Variants in GSTCD observed in about 807,000 individuals in gnomAD.
GSTCD encodes the protein glutathione S-transferase C-terminal domain-containing protein.
A neutral mutation model predicts 68.3 loss-of-function variants in GSTCD; 44 were observed. The ratio of observed to expected loss-of-function variants is 0.64; its 90% CI spans 0.51 to 0.83. GSTCD has a LOEUF of 0.83. Among genes scored for constraint, GSTCD ranks in the 40% least tolerant of loss-of-function variants. The probability of loss-of-function intolerance (pLI) is 0.00; values close to 1 mark genes in which losing one functional copy is unlikely to be tolerated. For synonymous variants in GSTCD, 273 were observed against 255.2 expected, an observed-to-expected ratio of 1.07 and a Z score of -0.67; for missense variants, 739 against 735.9, an observed-to-expected ratio of 1.00 and a Z score of -0.05.
At chr4:105,738,596 C>A (rs1278408844) in intron 5 of GSTCD, among the ~76,000 whole-genome samples, 1 of 152,042 alleles carries the variant, frequency 6.6e-6, no homozygotes, top group African/African-American at 2.4e-5. Flanking sequence ...AAGTCTTTCA[C>A]TTCTTTAGTT....
chr4:105,717,735 G>T lies in GSTCD; in HGVS notation c.122G>T (p.Cys41Phe). The stretch of plus-strand genomic sequence containing the variant: ...GTAACTTTATTTCTGTTATCTTACT[G>T]TGACTGTAAAATCTTTAAAATTTGC... ...TSVTLFLLSY[C>F]DCKIFKICLV... is the part of the protein sequence containing the mutation. Residue 41 changes from cysteine to phenylalanine, a missense_variant, in exon 2 of 12, where the codon TGT (cysteine) becomes TTT (phenylalanine). Transcript: ENST00000515279. 9.3e-6 allele frequency: 15 copies of T among 1,613,756 alleles called. No homozygotes were observed. The highest frequency in any genetic ancestry group is 1.3e-5 in the Non-Finnish European group (15 of 1,179,740).
At chr4:105,844,645 T>A (rs1482937545) in intron 11 of GSTCD, among the ~76,000 whole-genome samples, 2 of 152,226 alleles carry the variant, frequency 1.3e-5, no homozygotes, top group African/African-American at 4.8e-5. Context: ...CAGTAATCTT[T>A]TTCCAGGGGG....
chr4:105,751,040 A>G (rs1733993387), intron 5 of GSTCD, among the ~76,000 whole-genome samples: 1 of 152,216 alleles, frequency 6.6e-6, no homozygotes, highest in Non-Finnish European at 1.5e-5. Context: ...AACTTTATAC[A>G]TGGAATCAAG....
chr4:105,789,737 G>A (rs2149254443), intron 5 of GSTCD, among the ~76,000 whole-genome samples: 1 of 151,958 alleles, frequency 6.6e-6, no homozygotes, highest in South Asian at 2.1e-4. Context: ...CTATAATGAA[G>A]GGGAGAGGAT....
intron 5 of GSTCD, among the ~76,000 whole-genome samples, chr4:105,742,722 T>A (rs1452218712): frequency 8.6e-5 from 13 of 150,824 alleles, no homozygotes; most frequent in South Asian, 4.2e-4. Flanking sequence ...TTTTTTTTTT[T>A]TTATTTCTTA....
intron 11 of GSTCD, among the ~76,000 whole-genome samples, chr4:105,844,258 GAC>G (rs888907514): frequency 1.9e-4 from 29 of 152,144 alleles, no homozygotes; most frequent in African/African-American, 7.0e-4. Flanking sequence ...TTAAAGGAAA[GAC>G]AATATTTTAA....
At chr4:105,742,051 G>A (rs1324480514) in intron 5 of GSTCD, among the ~76,000 whole-genome samples, 3 of 152,072 alleles carry the variant, frequency 2.0e-5, no homozygotes, top group Non-Finnish European at 2.9e-5. Flanking sequence ...GATTTTATTG[G>A]TACTTGGTTC....
intron 5 of GSTCD, among the ~76,000 whole-genome samples, chr4:105,772,719 G>A (rs1459403146): frequency 1.3e-5 from 2 of 152,166 alleles, no homozygotes; most frequent in East Asian, 3.8e-4. Flanking sequence ...ATTTGATCAT[G>A]GTGGATAAGC....
chr4:105,784,255 C>T (rs989003850), intron 5 of GSTCD, among the ~76,000 whole-genome samples: 3 of 152,138 alleles, frequency 2.0e-5, no homozygotes, highest in East Asian at 3.8e-4. Flanking sequence ...TTATTTGGCT[C>T]ATGGTTTTTG....
At chr4:105,811,968 A>G (rs1001131460) in intron 5 of GSTCD, among the ~76,000 whole-genome samples, 1 of 152,194 alleles carries the variant, frequency 6.6e-6, no homozygotes, top group Non-Finnish European at 1.5e-5. Context: ...GTTTTTGGAC[A>G]TGTTTGGCTT....
At chr4:105,823,494 G>GT (rs1723418800) in intron 7 of GSTCD, 2 of 385,980 alleles carry the variant, frequency 5.2e-6, no homozygotes, top group South Asian at 1.4e-4. Context: ...TTTAAAAGAG[G>GT]TTTATAGGTT....
intron 5 of GSTCD, among the ~76,000 whole-genome samples, chr4:105,812,696 A>G (rs925606918): frequency 6.6e-6 from 1 of 152,278 alleles, no homozygotes; most frequent in East Asian, 1.9e-4. Context: ...TTATATATAT[A>G]TGTTTTAACT....
At chr4:105,733,110 ATG>A (rs1733314295) in intron 5 of GSTCD, among the ~76,000 whole-genome samples, 1 of 152,184 alleles carries the variant, frequency 6.6e-6, no homozygotes, top group Non-Finnish European at 1.5e-5. Flanking sequence ...ACTTCCAACT[ATG>A]TGGTCAATTT....
chr4:105,837,380 A>G (rs954830107), intron 9 of GSTCD, among the ~76,000 whole-genome samples: 2 of 152,270 alleles, frequency 1.3e-5, no homozygotes. Flanking sequence ...GCCACTCCCA[A>G]GCCTGCTTAC....
intron 5 of GSTCD, among the ~76,000 whole-genome samples, chr4:105,811,325 G>A (rs1578495755): frequency 6.6e-6 from 1 of 151,946 alleles, no homozygotes; most frequent in South Asian, 2.1e-4. Context: ...TGAAATATTA[G>A]TATTCATGAC....
rs200413352 is a variant in GSTCD at position 105,845,485 on chromosome 4, G to A, written c.1810G>A (p.Ala604Thr). ...GGTGGATCTGGATCGAGCAAGAGCT[G>A]CAGAAGAATGTGGATACTCCGTTCA... ...CLVDLDRARA[A>T]EECGYSVQVI... Residue 604 changes from alanine (A) to threonine (T), a missense_variant, in exon 12 of 12, where the codon GCA becomes ACA. By Grantham distance (58) the Ala-to-Thr change is moderately conservative. Coordinates refer to ENST00000515279, the MANE Select transcript of GSTCD (RefSeq NM_001370181.1). The A allele has an allele frequency of 2.7e-5, 43 of 1,614,046 alleles. No homozygotes were observed. Among genetic ancestry groups the A allele is most frequent in the Non-Finnish European group, 3.4e-5 (40 of 1,180,028 alleles).
chr4:105,719,662 T>C, intron 3 of GSTCD, 135 bp downstream of exon 3: 1 of 666,026 alleles, frequency 1.5e-6, no homozygotes, highest in Non-Finnish European at 2.6e-6. Context: ...CATTTTCTTA[T>C]CTGTAAAATG....
In GSTCD at chr4:105,717,974, C is replaced by A; in HGVS notation, c.361C>A (p.Pro121Thr). 1 of 1,613,192 alleles carries A rather than the reference C, an allele frequency of 6.2e-7. No individual in the cohort carries two copies. The highest frequency in any genetic ancestry group is 2.2e-5 in the East Asian group (1 of 44,860). Residue 121 changes from proline (P) to threonine (T), a missense_variant, in exon 2 of 12, where the codon CCC (proline) becomes ACC (threonine). Pro to Thr is a conservative substitution (Grantham distance 38, BLOSUM62 -1). Coordinates refer to ENST00000515279, the MANE Select transcript of GSTCD (RefSeq NM_001370181.1). ...AATCCAGAAATCCTATGAAGCAGAC[C>A]CCTTAAAGAAGGAACTTTTGGAACT... ...HIIQKSYEAD[P>T]LKKELLELLG... is the part of the protein sequence containing the mutation.
chr4:105,719,698 AG>A (rs1354715262), intron 3 of GSTCD, 171 bp downstream of exon 3: 2 of 579,798 alleles, frequency 3.4e-6, no homozygotes, highest in Non-Finnish European at 6.1e-6. Context: ...CCTATCTAAA[AG>A]GAAAAATGTA....
Sources: gnomAD v4.1 joint callset for allele counts (sites outside exome capture counted in the v4.1 genomes callset) on GRCh38, gnomAD v4.1.1 for gene constraint, MANE v1.5 for transcripts, NCBI Gene and HGNC (gene_info 2026-07-23, HGNC 2026-07-21) for gene names.